The following UGT1A5 variants were observed in gnomAD, a reference collection of about 807,000 sequenced individuals.
UGT1A5 encodes the protein UDP-glucuronosyltransferase 1A5.
A neutral mutation model predicts 40.3 loss-of-function variants in UGT1A5; 29 were observed. That is an observed-to-expected ratio of 0.72 (90% CI 0.54 to 0.98). UGT1A5 has a LOEUF of 0.98. Among genes scored for constraint, UGT1A5 ranks in the 50% least tolerant of loss-of-function variants. The pLI, the probability that UGT1A5 is intolerant of heterozygous loss-of-function variation, is 0.00. For missense variants in UGT1A5, 678 were observed against 677.9 expected (o/e 1.00, Z 0.00); for synonymous variants, 257 against 262.5 (o/e 0.98, Z 0.20).
In UGT1A5 at chr2:233,743,703, C is replaced by T. The variant is rs200396442; in HGVS notation, c.868-23331C>T. 2.1e-4 allele frequency: 292 copies of T among 1,367,370 alleles called. 6 individuals are homozygous for T. Among genetic ancestry groups the T allele is most frequent in the African/African-American group, 1.2e-3 (81 of 67,578 alleles). 84.7% of individuals were successfully genotyped at this position (1,367,370 alleles called of 1,614,324 possible). On this transcript the variant is annotated intron_variant, in intron 1 of 4. Coordinates refer to ENST00000373414, the MANE Select transcript of UGT1A5 (RefSeq NM_019078.2). ...CCGCCTGTGCAGCCGCCCTCCGCCCCCGCCTCGCCATAGCGGTCATAGATA... is the reference window on the plus strand; with the variant it reads ...CCGCCTGTGCAGCCGCCCTCCGCCCTCGCCTCGCCATAGCGGTCATAGATA...
chr2:233,738,744 T>G (rs1482217352), intron 1 of UGT1A5, among the ~76,000 whole-genome samples: 1 of 152,136 alleles, frequency 6.6e-6, no homozygotes, highest in Non-Finnish European at 1.5e-5. Flanking sequence ...CCTGACCATG[T>G]GGTAGAAAAG....
At position 233,769,882 on chromosome 2, in the gene UGT1A5, TC is replaced by T; in HGVS notation, c.1307+1445del. On this transcript the variant is annotated intron_variant, in intron 4 of 4. Transcript: ENST00000373414. This position sits in a 1 kb window ranked among gnomAD's most constrained non-coding sequence, Gnocchi z 4.4. The stretch of plus-strand genomic sequence containing the variant: ...CAAAAAAAAAAAAAAAAATGAAAAG[TC>T]CACATAACCTGAGCATCATGTGCCC... 1 of 408,610 alleles carries T rather than the reference TC, an allele frequency of 2.4e-6. No homozygotes were observed. Among genetic ancestry groups the T allele is most frequent in the Non-Finnish European group, 4.3e-6 (1 of 234,370 alleles). 25.3% of individuals were successfully genotyped at this position (408,610 alleles called of 1,614,324 possible).
At chr2:233,724,293 C>A (rs1226718888) in intron 1 of UGT1A5, among the ~76,000 whole-genome samples, 7 of 135,018 alleles carry the variant, frequency 5.2e-5, no homozygotes, top group Non-Finnish European at 8.1e-5. Flanking sequence ...GGGGGCTGAC[C>A]CCCCCACCTC....
At chr2:233,736,366 C>A (rs985371581) in intron 1 of UGT1A5, among the ~76,000 whole-genome samples, 1 of 152,198 alleles carries the variant, frequency 6.6e-6, no homozygotes, top group African/African-American at 2.4e-5. Context: ...TCCATCAGGT[C>A]ATTTAAGGTC....
At chr2:233,738,315 GTGAA>G (rs1690761880) in intron 1 of UGT1A5, among the ~76,000 whole-genome samples, 1 of 152,192 alleles carries the variant, frequency 6.6e-6, no homozygotes, top group African/African-American at 2.4e-5. Context: ...ATAGCAGTGT[GTGAA>G]TGGACTAATA....
At chr2:233,725,722 A>G (rs368612917) in intron 1 of UGT1A5, among the ~76,000 whole-genome samples, 6 of 152,340 alleles carry the variant, frequency 3.9e-5, no homozygotes, top group African/African-American at 1.2e-4. Flanking sequence ...CATATGGTCA[A>G]TGTTTACAAA....
At chr2:233,719,414 A>G (rs1348956274) in intron 1 of UGT1A5, 9 of 1,613,880 alleles carry the variant, frequency 5.6e-6, no homozygotes, top group Non-Finnish European at 7.6e-6. Context: ...CTAAGTTACT[A>G]ACGACCAATT....
chr2:233,750,363 A>C (rs1694437440), intron 1 of UGT1A5, among the ~76,000 whole-genome samples: 1 of 151,980 alleles, frequency 6.6e-6, no homozygotes, highest in African/African-American at 2.4e-5. Context: ...TATGTTTAAA[A>C]GGGAAGCAGA....
At chr2:233,760,509 C>T (rs72551340) in intron 1 of UGT1A5, 1 of 1,614,154 alleles carries the variant, frequency 6.2e-7, no homozygotes, top group African/African-American at 1.3e-5. Flanking sequence ...GAGCATTTTA[C>T]ACCTTGAAGA....
intron 1 of UGT1A5, among the ~76,000 whole-genome samples, chr2:233,734,160 T>C (rs535251850): frequency 1.3e-5 from 2 of 152,268 alleles, no homozygotes; most frequent in Non-Finnish European, 2.9e-5. Context: ...GTCCTGGACT[T>C]TTTTTGGTTG....
In UGT1A5 at chr2:233,768,366, G is replaced by A. The variant is rs36076514; in HGVS notation, c.1234G>A (p.Val412Met). Residue 412 changes from valine (V) to methionine (M), a missense_variant, in exon 4 of 5, where the codon GTG (valine) becomes ATG (methionine). Transcript: ENST00000373414. ...AKRMETKGAG[V>M]TLNVLEMTSE... ...GCGCATGGAGACTAAGGGAGCTGGA[G>A]TGACCCTGAATGTTCTGGAAATGAC... 1 of 1,614,180 alleles carries A rather than the reference G, an allele frequency of 6.2e-7. No individual in the cohort carries two copies. Among genetic ancestry groups the A allele is most frequent in the African/African-American group, 1.3e-5 (1 of 75,048 alleles).
At chr2:233,770,522 G>A (rs1294728713) in intron 4 of UGT1A5, 1 of 152,120 alleles carries the variant, frequency 6.6e-6, no homozygotes. Context: ...CCCAGGCATG[G>A]TGGTGTATGC....
At chr2:233,718,718 T>C in intron 1 of UGT1A5, 1 of 1,609,208 alleles carries the variant, frequency 6.2e-7, no homozygotes, top group Non-Finnish European at 8.5e-7. Flanking sequence ...AATTACATGC[T>C]GATTTGCTAG....
At chr2:233,714,940 G>A (rs1254793883) in intron 1 of UGT1A5, among the ~76,000 whole-genome samples, 1 of 152,148 alleles carries the variant, frequency 6.6e-6, no homozygotes, top group Admixed American at 6.5e-5. Flanking sequence ...GCAGTGGTGG[G>A]ATCTTGGCTC....
At chr2:233,718,793 C>T in intron 1 of UGT1A5, 2 of 1,613,146 alleles carry the variant, frequency 1.2e-6, no homozygotes, top group Non-Finnish European at 1.7e-6. Flanking sequence ...GTGGGGTGGA[C>T]AGTCAGCTGT....
intron 1 of UGT1A5, chr2:233,754,902 A>G: frequency 7.4e-7 from 1 of 1,352,320 alleles, no homozygotes. Flanking sequence ...CTGACCCCCC[A>G]AAATATTCTC....
Position 233,768,349 on chromosome 2 carries a change from A to T in UGT1A5, c.1217A>T (p.Glu406Val), listed in dbSNP as rs1699604029. The change falls in exon 4 of 5, where the codon GAG becomes GTG. Residue 406 changes from glutamate to valine, a missense_variant. By Grantham distance (121) the Glu-to-Val change is moderately radical. Coordinates refer to ENST00000373414, the MANE Select transcript of UGT1A5 (RefSeq NM_019078.2). The stretch of plus-strand genomic sequence containing the variant: ...CAGATGGACAATGCAAAGCGCATGG[A>T]GACTAAGGGAGCTGGAGTGACCCTG... Reference protein sequence around the residue: ...GDQMDNAKRMETKGAGVTLNV... With the variant: ...GDQMDNAKRMVTKGAGVTLNV... The T allele has an allele frequency of 1.2e-6, 2 of 1,614,182 alleles. No homozygotes were observed. Among genetic ancestry groups the T allele is most frequent in the Non-Finnish European group, 8.5e-7 (1 of 1,180,036 alleles).
At chr2:233,748,028 C>T in intron 1 of UGT1A5, 2 of 1,613,550 alleles carry the variant, frequency 1.2e-6, no homozygotes, top group Non-Finnish European at 8.5e-7. Context: ...TCATGCCCAA[C>T]ATGGTCTTCA....
intron 1 of UGT1A5, chr2:233,747,471 G>T (rs1218539477): frequency 6.2e-7 from 1 of 1,608,714 alleles, no homozygotes; most frequent in African/African-American, 1.3e-5. Flanking sequence ...ATGGACCCAG[G>T]ATGAATTTGA....
Sources: allele counts gnomAD v4.1 joint callset (sites outside exome capture counted in the v4.1 genomes callset), GRCh38; gene constraint gnomAD v4.1.1; non-coding constraint Gnocchi (gnomAD v3.1); transcripts MANE v1.5; gene names NCBI Gene and HGNC (gene_info 2026-07-23, HGNC 2026-07-21).